The following POM121C variants were observed in gnomAD, a reference collection of about 807,000 sequenced individuals.
POM121C encodes nuclear envelope pore membrane protein POM 121C.
Under a neutral mutation model 66.4 loss-of-function variants are expected in POM121C, and 20 were observed. The observed-to-expected ratio is 0.30, with a 90% confidence interval of 0.21 to 0.44. The LOEUF (loss-of-function observed/expected upper bound fraction) is 0.44, where lower values mean the gene tolerates loss of function less well. Among genes scored for constraint, POM121C ranks in the 20% least tolerant of loss-of-function variants. The pLI, the probability that POM121C is intolerant of heterozygous loss-of-function variation, is 1.00. For synonymous variants in POM121C, 286 were observed against 528.0 expected, an observed-to-expected ratio of 0.54 and a Z score of 6.28; for missense variants, 580 against 1,225.7, an observed-to-expected ratio of 0.47 and a Z score of 7.87.
At chr7:75,461,659 C>T (rs1454182614) in intron 3 of POM121C, among the ~76,000 whole-genome samples, 1 of 152,068 alleles carries the variant, frequency 6.6e-6, no homozygotes, top group Non-Finnish European at 1.5e-5. Context: ...GATCTACCTG[C>T]CTCGGCCTCC....
Position 75,424,190 on chromosome 7 carries a change from T to C in POM121C, c.907A>G (p.Thr303Ala), listed in dbSNP as rs1554471350. Reference sequence around the variant, plus strand: ...GTAAAGGTAAATGAAGGCTGAGTGGTAGGTGGGGTCTCAGTGACAGAGTTC... The same window carrying C: ...GTAAAGGTAAATGAAGGCTGAGTGGCAGGTGGGGTCTCAGTGACAGAGTTC... Reference protein sequence around the residue: ...ASNSVTETPPTTQPSFTFTLP... With the variant: ...ASNSVTETPPATQPSFTFTLP... The change falls in exon 12 of 15, where the codon ACC (threonine) becomes GCC (alanine). Residue 303 changes from threonine to alanine, a missense_variant. By Grantham distance (58) the Thr-to-Ala change is moderately conservative (BLOSUM62 0). Coordinates refer to ENST00000615331, the MANE Select transcript of POM121C (RefSeq NM_001099415.3). The C allele has an allele frequency of 3.1e-6, 5 of 1,611,892 alleles. No individual in the cohort carries two copies. In the Admixed American group the frequency reaches 6.7e-5, roughly 21 times the overall value.
intron 7 of POM121C, among the ~76,000 whole-genome samples, chr7:75,434,810 G>C (rs1304826304): frequency 6.6e-6 from 1 of 151,900 alleles, no homozygotes; most frequent in African/African-American, 2.4e-5. Context: ...CTCGAACTCA[G>C]GTGATCTGCC....
chr7:75,447,596 A>G (rs1225674929), intron 3 of POM121C, among the ~76,000 whole-genome samples: 25 of 152,054 alleles, frequency 1.6e-4, no homozygotes, highest in Non-Finnish European at 2.6e-4. Context: ...ATATTTTAAG[A>G]AAGTTAAATA....
chr7:75,473,940 G>A (rs1285994781), intron 3 of POM121C, among the ~76,000 whole-genome samples: 6 of 152,006 alleles, frequency 3.9e-5, no homozygotes, highest in African/African-American at 1.4e-4. Flanking sequence ...CGCCCGCCTC[G>A]GCCTCCTAAA....
In POM121C at chr7:75,418,865, A is replaced by C. The variant is rs367704117; in HGVS notation, c.2895T>G (p.Gly965=). ...FGSAAPSFSI[G]AGSKTPGARQ... The stretch of plus-strand genomic sequence containing the variant: ...GAGCCCCTGGGGTCTTGGATCCCGC[A>C]CCAATGGAAAATGAAGGGGCCGCCG... The change falls in exon 15 of 15, where the codon GGT becomes GGG. Residue 965 remains glycine (G), a synonymous_variant. Coordinates refer to ENST00000615331, the MANE Select transcript of POM121C (RefSeq NM_001099415.3). The C allele has an allele frequency of 6.2e-7, 1 of 1,611,666 alleles. No homozygotes were observed. The highest frequency in any genetic ancestry group is 2.2e-5 in the East Asian group (1 of 44,856).
At chr7:75,442,643 C>G (rs1210908120) in intron 3 of POM121C, 6 of 1,478,534 alleles carry the variant, frequency 4.1e-6, no homozygotes, top group Non-Finnish European at 5.3e-6. Flanking sequence ...GCCGCAGCCC[C>G]GGCCCCGGCC....
intron 7 of POM121C, among the ~76,000 whole-genome samples, chr7:75,430,157 G>T (rs1554472166): frequency 1.3e-5 from 2 of 152,084 alleles, no homozygotes; most frequent in African/African-American, 4.8e-5. Context: ...TGTGTGTGTG[G>T]AAATTGACAA....
At chr7:75,462,163 G>A (rs587773514) in intron 3 of POM121C, among the ~76,000 whole-genome samples, 4 of 146,686 alleles carry the variant, frequency 2.7e-5, no homozygotes, top group East Asian at 2.0e-4. Flanking sequence ...ACTGGATCAC[G>A]GGCGCGGTTT....
intron 3 of POM121C, among the ~76,000 whole-genome samples, chr7:75,469,212 A>G (rs1361169785): frequency 2.3e-4 from 34 of 150,864 alleles, no homozygotes; most frequent in Admixed American, 2.3e-3. Context: ...CGATTCTCTC[A>G]CCTCAGCCTC....
At position 75,441,588 on chromosome 7, in the gene POM121C, T is replaced by C; in HGVS notation, c.-92A>G. 2 of 1,606,230 alleles carry C rather than the reference T, an allele frequency of 1.2e-6. No homozygotes were observed. The highest frequency in any genetic ancestry group is 1.3e-5 in the African/African-American group (1 of 74,730). The stretch of plus-strand genomic sequence containing the variant: ...CCCCGGACAGGAATACTGGGTCTGA[T>C]GGATCGGATAGCGTCTTCGAGGTGT... On this transcript the variant is annotated 5_prime_UTR_variant, in exon 4 of 15. Transcript: ENST00000615331.
At chr7:75,434,137 T>C (rs1264537877) in intron 7 of POM121C, among the ~76,000 whole-genome samples, 1 of 152,202 alleles carries the variant, frequency 6.6e-6, no homozygotes, top group Non-Finnish European at 1.5e-5. Flanking sequence ...GGAAAAACTC[T>C]TGAACGTGAG....
At position 75,441,481 on chromosome 7, in the gene POM121C, C is replaced by T; in HGVS notation, c.16G>A (p.Val6Met). 6.2e-7 allele frequency: 1 copy of T among 1,613,944 alleles called. No individual in the cohort carries two copies. The highest frequency in any genetic ancestry group is 2.2e-5 in the East Asian group (1 of 44,890). The change falls in exon 4 of 15, where the codon GTG becomes ATG. Residue 6 changes from valine (V) to methionine (M), a missense_variant. By Grantham distance (21) the Val-to-Met change is conservative (BLOSUM62 1). Coordinates refer to ENST00000615331, the MANE Select transcript of POM121C (RefSeq NM_001099415.3). ...TCAGGAGGGGCGATCCTCACAGTCACTGGGCTACACACCATCCTGGAGTTG... is the reference window on the plus strand; with the variant it reads ...TCAGGAGGGGCGATCCTCACAGTCATTGGGCTACACACCATCCTGGAGTTG... MVCSP[V>M]TVRIAPPDRR...
At chr7:75,466,866 G>T (rs1419433693) in intron 3 of POM121C, among the ~76,000 whole-genome samples, 4 of 152,068 alleles carry the variant, frequency 2.6e-5, no homozygotes, top group African/African-American at 7.2e-5. Context: ...AACAAATCTA[G>T]GCACCCAGCT....
intron 3 of POM121C, among the ~76,000 whole-genome samples, chr7:75,458,906 G>T (rs1326527666): frequency 6.6e-6 from 1 of 152,070 alleles, no homozygotes; most frequent in Non-Finnish European, 1.5e-5. Flanking sequence ...GATTTTAGAT[G>T]AGCTATCTTA....
At chr7:75,440,902 C>A (rs1313890437) in intron 5 of POM121C, 52 bp downstream of exon 5, 8 of 1,613,430 alleles carry the variant, frequency 5.0e-6, no homozygotes, top group Non-Finnish European at 5.9e-6. Context: ...TACATCTCAT[C>A]CCATAGGGGT....
intron 3 of POM121C, among the ~76,000 whole-genome samples, chr7:75,453,214 T>G (rs1791084067): frequency 6.6e-6 from 1 of 150,838 alleles, no homozygotes. Context: ...GAGGATCGCT[T>G]GAGGCCAGAA....
chr7:75,484,441 C>G (rs1792430295), intron 1 of POM121C: 1 of 376,648 alleles, frequency 2.7e-6, no homozygotes, highest in Admixed American at 4.2e-5. Context: ...AGGCTGGTCT[C>G]AAATTCTGGC....
chr7:75,439,147 G>A lies in POM121C; in HGVS notation c.305C>T (p.Pro102Leu). ...ATCTGGATGGACTCGCACTTACTTA[G>A]GCACAAAAGAAGCGGGGACTCCACT... ...VASGVPASFV[P>L]KPGSLKRGLN... is the part of the protein sequence containing the mutation. The change falls in exon 6 of 15, where the codon CCT (proline) becomes CTT (leucine). Residue 102 changes from proline to leucine, a missense_variant. Coordinates refer to ENST00000615331, the MANE Select transcript of POM121C (RefSeq NM_001099415.3). 6.2e-7 allele frequency: 1 copy of A among 1,614,184 alleles called. No homozygotes were observed. Among genetic ancestry groups the A allele is most frequent in the Non-Finnish European group, 8.5e-7 (1 of 1,180,034 alleles).
In POM121C at chr7:75,485,811, A is replaced by C. The variant is rs1366115484; in HGVS notation, c.-458+53T>G. The C allele has an allele frequency of 2.6e-4, 124 of 482,324 alleles. 1 individual carries two copies. Among genetic ancestry groups the C allele is most frequent in the Non-Finnish European group, 4.4e-4 (108 of 243,602 alleles). 29.9% of individuals were successfully genotyped at this position (482,324 alleles called of 1,614,324 possible). A position where few individuals can be genotyped will look rare whatever the true frequency, so the allele number is the denominator to read the frequency against. Reference sequence around the variant, plus strand: ...CCCACACTCAAAGGTCCCCAACACAAGGTGACTTCACCCAGGCCCTTCTCG... The same window carrying C: ...CCCACACTCAAAGGTCCCCAACACACGGTGACTTCACCCAGGCCCTTCTCG... On this transcript the variant is annotated intron_variant, in intron 1 of 14. Transcript: ENST00000615331.
Sources: gnomAD v4.1 joint callset for allele counts (sites outside exome capture counted in the v4.1 genomes callset) on GRCh38, gnomAD v4.1.1 for gene constraint, MANE v1.5 for transcripts, NCBI Gene and HGNC (gene_info 2026-07-23, HGNC 2026-07-21) for gene names.